Variants in RGS4 observed in about 807,000 individuals in gnomAD.
The protein encoded by RGS4 is schizophrenia disorder 9.
Under a neutral mutation model 21.6 loss-of-function variants are expected in RGS4, and 15 were observed. That is an observed-to-expected ratio of 0.69 (90% CI 0.46 to 1.07). The LOEUF is 1.07. RGS4 is among the 50% of genes least tolerant of loss of function. RGS4 has a pLI of 0.00. For synonymous variants in RGS4, 94 were observed against 85.5 expected, an observed-to-expected ratio of 1.10 and a Z score of -0.55; for missense variants, 237 against 239.0, an observed-to-expected ratio of 0.99 and a Z score of 0.06.
At chr1:163,070,675 G>C (rs1571159498) in intron 1 of RGS4, 1 of 152,100 alleles carries the variant, frequency 6.6e-6, no homozygotes, top group South Asian at 2.1e-4. Flanking sequence ...CATATGAAAT[G>C]AACCGTACAA....
At chr1:163,072,187 G>A in intron 1 of RGS4, 2 of 1,056,656 alleles carry the variant, frequency 1.9e-6, no homozygotes, top group South Asian at 2.5e-5. Context: ...GAAGGAAATG[G>A]TGTTATGACT....
In RGS4 at chr1:163,072,872, T is replaced by A; in HGVS notation, c.211+6T>A. ...AAACCTGATTAGTCATGAATGTAAG[T>A]CTGACAGCAACCTGGGATGAGGTAC... On this transcript the variant is annotated splice_donor_region_variant and intron_variant, in intron 3 of 4. Coordinates refer to ENST00000367909, the MANE Select transcript of RGS4 (RefSeq NM_005613.6). 1 of 1,611,784 alleles carries A rather than the reference T, an allele frequency of 6.2e-7. No individual in the cohort carries two copies. Among genetic ancestry groups the A allele is most frequent in the Non-Finnish European group, 8.5e-7 (1 of 1,178,274 alleles).
intron 1 of RGS4, chr1:163,071,938 C>T: frequency 3.1e-6 from 3 of 978,014 alleles, no homozygotes; most frequent in Non-Finnish European, 3.6e-6. Flanking sequence ...TTCCCTCTGC[C>T]AGCAGGGGAA....
At chr1:163,069,650 A>T in intron 1 of RGS4, 122 bp downstream of exon 1, 1 of 754,080 alleles carries the variant, frequency 1.3e-6, no homozygotes, top group East Asian at 2.7e-5. Context: ...GGAGAGCACG[A>T]CTTTCTAACT....
At chr1:163,068,967 G>T, upstream of RGS4, 1 of 1,607,898 alleles carries the variant, frequency 6.2e-7, no homozygotes, top group East Asian at 2.2e-5. Context: ...TCCAAAAGAG[G>T]AAAGGCATTG....
At position 163,074,336 on chromosome 1, in the gene RGS4, T is replaced by C. The variant is rs1267001678; in HGVS notation, c.394T>C (p.Cys132Arg). 1.9e-6 allele frequency: 3 copies of C among 1,613,802 alleles called. No individual in the cohort carries two copies. The highest frequency in any genetic ancestry group is 2.2e-5 in the South Asian group (2 of 91,070). ...QATKEVNLDS[C>R]TREETSRNML... ...TGCCCCTCAGGTGAACCTGGATTCT[T>C]GCACCAGGGAAGAGACAAGCCGGAA... Residue 132 changes from cysteine to arginine, a missense_variant, in exon 5 of 5, where the codon TGC becomes CGC. By Grantham distance (180) the Cys-to-Arg change is radical. Coordinates refer to ENST00000367909, the MANE Select transcript of RGS4 (RefSeq NM_005613.6).
In RGS4 at chr1:163,069,367, C is replaced by G; in HGVS notation, c.-118C>G. 6.4e-7 allele frequency: 1 copy of G among 1,565,744 alleles called. No homozygotes were observed. Among genetic ancestry groups the G allele is most frequent in the Non-Finnish European group, 8.7e-7 (1 of 1,153,634 alleles). ...CCCCTACAGGCTTAGCAGGAAGACG[C>G]TCAGAGGATTCTGACAATATCTTTA... On this transcript the variant is annotated 5_prime_UTR_variant, in exon 1 of 5. Coordinates refer to ENST00000367909, the MANE Select transcript of RGS4 (RefSeq NM_005613.6).
At chr1:163,069,015 G>A, upstream of RGS4, 1 of 1,592,942 alleles carries the variant, frequency 6.3e-7, no homozygotes. Flanking sequence ...ATTCCTGCTG[G>A]TACTTTTCCT....
At chr1:163,072,072 T>C (rs527594673) in intron 1 of RGS4, 2 of 1,036,674 alleles carry the variant, frequency 1.9e-6, no homozygotes, top group South Asian at 4.2e-5. Context: ...GTGATTCAGG[T>C]TCTGTTGAAG....
chr1:163,074,704 C>G lies in RGS4; in HGVS notation c.*144C>G. The G allele has an allele frequency of 8.5e-7, 1 of 1,178,510 alleles. No homozygotes were observed. Among genetic ancestry groups the G allele is most frequent in the South Asian group, 1.2e-5 (1 of 80,084 alleles). The allele number at this position is 1,178,510 out of a possible 1,614,324, so 73.0% of individuals were successfully genotyped here. ...GCTGCCTGCCATGTGTGAGTCACTT[C>G]TACGCATAAACTAGATATAGCTTTT... is the stretch of plus-strand genomic sequence containing the variant. On this transcript the variant is annotated 3_prime_UTR_variant, in exon 5 of 5. Transcript: ENST00000367909.
intron 1 of RGS4, among the ~76,000 whole-genome samples, chr1:163,069,877 T>A (rs1052710762): frequency 6.6e-6 from 1 of 152,156 alleles, no homozygotes; most frequent in African/African-American, 2.4e-5. Flanking sequence ...TATTTGAGCA[T>A]CCCTGGAGTA....
intron 1 of RGS4, chr1:163,072,002 T>G: frequency 4.0e-6 from 4 of 989,822 alleles, no homozygotes; most frequent in Non-Finnish European, 4.8e-6. Flanking sequence ...AGGATGTGCA[T>G]CTTTTGCCGC....
At chr1:163,074,130 T>G in intron 4 of RGS4, 191 bp from the exon 5 acceptor site, 2 of 665,486 alleles carry the variant, frequency 3.0e-6, no homozygotes, top group Non-Finnish European at 5.1e-6. Flanking sequence ...CTGCTCTCTC[T>G]AAAGCAGAAA....
chr1:163,069,333 T>C (rs752164585), upstream of RGS4: 2 of 1,551,998 alleles, frequency 1.3e-6, no homozygotes, highest in Admixed American at 2.0e-5. Context: ...AGCTGGGCTA[T>C]AAAAGAGACC....
In RGS4 at chr1:163,074,139, AAGGTTCATTC is replaced by A. The variant is rs1655418710; in HGVS notation, c.379-181_379-172del. 2.6e-5 allele frequency: 18 copies of A among 693,186 alleles called. No individual in the cohort carries two copies. The East Asian group carries it at 4.4e-4, about 17-fold the overall frequency. 42.9% of individuals were successfully genotyped at this position (693,186 alleles called of 1,614,324 possible). A position where few individuals can be genotyped will look rare whatever the true frequency, so the allele number is the denominator to read the frequency against. On this transcript the variant is annotated intron_variant, in intron 4 of 4. Coordinates refer to ENST00000367909, the MANE Select transcript of RGS4 (RefSeq NM_005613.6). Reference sequence around the variant, plus strand: ...CTTGCCCTGCTCTCTCTAAAGCAGAAAGGTTCATTCTGAACCTTTCATACTCTCTCACATG... The same window carrying A: ...CTTGCCCTGCTCTCTCTAAAGCAGAATGAACCTTTCATACTCTCTCACATG...
chr1:163,069,317 G>T (rs370032435), upstream of RGS4: 55 of 1,551,404 alleles, frequency 3.5e-5, no homozygotes, highest in African/African-American at 6.8e-4. Flanking sequence ...TTGGCTGGAC[G>T]GTCGTAGCTG....
rs1655426454 is a variant in RGS4 at position 163,074,375 on chromosome 1, A to G, written c.433A>G (p.Thr145Ala). Residue 145 changes from threonine (T) to alanine (A), a missense_variant, in exon 5 of 5, where the codon ACA (threonine) becomes GCA (alanine). Physicochemically the swap from Thr to Ala is moderately conservative, Grantham distance 58. Coordinates refer to ENST00000367909, the MANE Select transcript of RGS4 (RefSeq NM_005613.6). ...EETSRNMLEP[T>A]ITCFDEAQKK... ...GACAAGCCGGAACATGCTAGAGCCT[A>G]CAATAACCTGCTTTGATGAGGCCCA... 1 of 1,613,878 alleles carries G rather than the reference A, an allele frequency of 6.2e-7. No individual in the cohort carries two copies. The highest frequency in any genetic ancestry group is 8.5e-7 in the Non-Finnish European group (1 of 1,179,824).
chr1:163,072,959 T>C, intron 3 of RGS4, 93 bp downstream of exon 3: 2 of 1,070,608 alleles, frequency 1.9e-6, no homozygotes, highest in South Asian at 2.9e-5. Context: ...CCTGGCTTCT[T>C]TCTGATGTTC....
chr1:163,069,270 G>T, upstream of RGS4: 8 of 1,550,970 alleles, frequency 5.2e-6, no homozygotes, highest in Non-Finnish European at 7.0e-6. Flanking sequence ...GAGGCAGAGG[G>T]AGACAGAGGA....
Sources: gnomAD v4.1 joint callset for allele counts (sites outside exome capture counted in the v4.1 genomes callset) on GRCh38, gnomAD v4.1.1 for gene constraint, MANE v1.5 for transcripts, NCBI Gene and HGNC (gene_info 2026-07-23, HGNC 2026-07-21) for gene names.